Variants in ACYP2 observed in about 807,000 individuals in gnomAD.
The protein encoded by ACYP2 is acylphosphatase 2.
In ACYP2, 12 loss-of-function variants were observed where a neutral mutation model predicts 11.2. The ratio of observed to expected loss-of-function variants is 1.08; its 90% CI spans 0.69 to 1.74. The LOEUF is 1.74. Ranked by LOEUF, ACYP2 falls within the 40% of genes most tolerant of loss-of-function variation. ACYP2 has a pLI of 0.00. For synonymous variants in ACYP2, 43 were observed against 32.2 expected (o/e 1.33, Z -1.13); for missense variants, 134 against 101.9 (o/e 1.31, Z -1.35).
At chr2:54,303,119 G>A (rs56299003) in intron 6 of ACYP2, among the ~76,000 whole-genome samples, 1,905 of 152,292 alleles carry the variant, frequency 0.013, 47 homozygotes, top group African/African-American at 0.043. Flanking sequence ...ACTTTGGGAG[G>A]CTGAGGAGGG....
chr2:54,214,827 A>G (rs1685492371), intron 6 of ACYP2, among the ~76,000 whole-genome samples: 1 of 152,228 alleles, frequency 6.6e-6, no homozygotes, highest in Non-Finnish European at 1.5e-5. Context: ...TCAAATCTGC[A>G]AATTGCTTAG....
chr2:54,008,092 C>G (rs1673173646), intron 2 of ACYP2, among the ~76,000 whole-genome samples: 1 of 152,208 alleles, frequency 6.6e-6, no homozygotes, highest in Non-Finnish European at 1.5e-5. Context: ...CAGTTTCACT[C>G]ACTCACCTGT....
At chr2:54,017,517 A>G (rs1373645089) in intron 2 of ACYP2, among the ~76,000 whole-genome samples, 1 of 152,018 alleles carries the variant, frequency 6.6e-6, no homozygotes, top group Non-Finnish European at 1.5e-5. Flanking sequence ...AGCCTCCCAA[A>G]GTGCTGGGAT....
intron 6 of ACYP2, among the ~76,000 whole-genome samples, chr2:54,281,107 G>C (rs1232351070): frequency 6.6e-6 from 1 of 152,164 alleles, no homozygotes; most frequent in Non-Finnish European, 1.5e-5. Context: ...AAAACATTTT[G>C]AAAACAGCAA....
In ACYP2 at chr2:54,051,907, C is replaced by T. The variant is rs141979743; in HGVS notation, c.155+857C>T. 1.7e-3 allele frequency: 464 copies of T among 271,234 alleles called. 4 individuals are homozygous for T. Among genetic ancestry groups the T allele is most frequent in the African/African-American group, 0.01 (455 of 43,398 alleles). The allele number at this position is 271,234 out of a possible 1,614,324, so 16.8% of individuals were successfully genotyped here. Reference sequence around the variant, plus strand: ...TAAAAAAATACAAAAATTAGCTGGGCGTGGTAATGCATTCCTGTAATCCCA... The same window carrying T: ...TAAAAAAATACAAAAATTAGCTGGGTGTGGTAATGCATTCCTGTAATCCCA... On this transcript the variant is annotated intron_variant, in intron 3 of 6. Coordinates refer to ENST00000607452, the MANE Select transcript of ACYP2 (RefSeq NM_001320586.2).
chr2:54,184,576 C>G (rs952096848), intron 6 of ACYP2, among the ~76,000 whole-genome samples: 1 of 151,880 alleles, frequency 6.6e-6, no homozygotes, highest in Non-Finnish European at 1.5e-5. Context: ...AAATAAGATA[C>G]CATTCATGGT....
At chr2:54,267,343 G>A in intron 6 of ACYP2, 1 of 1,548,856 alleles carries the variant, frequency 6.5e-7, no homozygotes, top group Non-Finnish European at 8.7e-7. Context: ...ACAAGATAGG[G>A]CAACAGCTAG....
At chr2:54,252,839 G>C (rs1262521656) in intron 6 of ACYP2, among the ~76,000 whole-genome samples, 4 of 151,644 alleles carry the variant, frequency 2.6e-5, no homozygotes, top group Admixed American at 1.3e-4. Flanking sequence ...GGGAGGCGGA[G>C]CTTGCAGTGA....
chr2:54,156,822 C>T (rs996587647), intron 6 of ACYP2, among the ~76,000 whole-genome samples: 21 of 152,010 alleles, frequency 1.4e-4, no homozygotes, highest in African/African-American at 4.8e-4. Context: ...ACCTGCCACC[C>T]ATGCCTACCT....
chr2:54,264,082 C>G (rs187434589), intron 6 of ACYP2, among the ~76,000 whole-genome samples: 1 of 152,136 alleles, frequency 6.6e-6, no homozygotes, highest in Non-Finnish European at 1.5e-5. Context: ...GACGGACCCT[C>G]GCGATGAGTG....
chr2:54,295,746 G>A (rs1348618159), intron 6 of ACYP2, among the ~76,000 whole-genome samples: 11 of 151,994 alleles, frequency 7.2e-5, no homozygotes. Context: ...CTAATAGTAA[G>A]ACCTATCCTG....
intron 6 of ACYP2, chr2:54,142,373 T>C (rs1205785579): frequency 6.6e-6 from 1 of 152,656 alleles, no homozygotes; most frequent in Non-Finnish European, 1.5e-5. Flanking sequence ...ATTTTATGTC[T>C]TAGGATCCCA....
intron 2 of ACYP2, among the ~76,000 whole-genome samples, chr2:54,024,149 G>A (rs2104548518): frequency 6.6e-6 from 1 of 152,224 alleles, no homozygotes; most frequent in South Asian, 2.1e-4. Flanking sequence ...TAAAGTGGGT[G>A]GATTACCTGA....
intron 6 of ACYP2, among the ~76,000 whole-genome samples, chr2:54,296,044 C>T (rs1689508115): frequency 1.3e-5 from 2 of 151,668 alleles, no homozygotes; most frequent in Admixed American, 6.6e-5. Context: ...ACAGCATGAG[C>T]CACAGCACCC....
At chr2:54,201,597 TTTC>T (rs1317481170) in intron 6 of ACYP2, among the ~76,000 whole-genome samples, 48 of 80,610 alleles carry the variant, frequency 6.0e-4, no homozygotes, top group Non-Finnish European at 9.4e-4. Context: ...TTTCTTTCTC[TTTC>T]TTTCTTTCTT....
At chr2:54,272,823 T>A (rs1315991034) in intron 6 of ACYP2, among the ~76,000 whole-genome samples, 1 of 152,276 alleles carries the variant, frequency 6.6e-6, no homozygotes, top group African/African-American at 2.4e-5. Flanking sequence ...GACAACAGTC[T>A]TAATGCTTTT....
At chr2:54,034,357 T>G (rs564779831) in intron 2 of ACYP2, among the ~76,000 whole-genome samples, 105 of 152,190 alleles carry the variant, frequency 6.9e-4, no homozygotes, top group African/African-American at 2.5e-3. Context: ...GACTCCAACC[T>G]CTACCCCCCA....
At chr2:54,103,958 C>T (rs1307867489) in intron 4 of ACYP2, among the ~76,000 whole-genome samples, 1 of 152,180 alleles carries the variant, frequency 6.6e-6, no homozygotes, top group African/African-American at 2.4e-5. Context: ...ATACAGATGC[C>T]AGTCAGATCC....
chr2:54,135,575 CTG>C (rs1322434319), intron 5 of ACYP2, 106 bp downstream of exon 2: 2 of 800,240 alleles, frequency 2.5e-6, no homozygotes, highest in African/African-American at 1.8e-5. Flanking sequence ...TGTTTACTCC[CTG>C]TCCTTGACAG....
Sources: gnomAD v4.1 joint callset for allele counts (sites outside exome capture counted in the v4.1 genomes callset) on GRCh38, gnomAD v4.1.1 for gene constraint, MANE v1.5 for transcripts, NCBI Gene and HGNC (gene_info 2026-07-23, HGNC 2026-07-21) for gene names.